The following OOSP1 variants were observed in gnomAD, a reference collection of about 807,000 sequenced individuals.
OOSP1 encodes oocyte secreted protein 1.
OOSP1 carries 11 observed loss-of-function variants against 5.7 expected under a neutral mutation model. The ratio of observed to expected loss-of-function variants is 1.94; its 90% CI spans 1.22 to 3.20. The LOEUF (loss-of-function observed/expected upper bound fraction) is 3.20, where lower values mean the gene tolerates loss of function less well. Among genes scored for constraint, OOSP1 ranks in the 30% most tolerant of loss-of-function variants. OOSP1 has a pLI of 0.00. For synonymous variants in OOSP1, 44 were observed against 20.0 expected, an observed-to-expected ratio of 2.20 and a Z score of -3.20; for missense variants, 83 against 54.1, an observed-to-expected ratio of 1.53 and a Z score of -1.67.
At chr11:59,942,402 T>C (rs1380886843) in intron 1 of OOSP1, among the ~76,000 whole-genome samples, 5 of 152,182 alleles carry the variant, frequency 3.3e-5, no homozygotes, top group African/African-American at 1.2e-4. Context: ...AGTCTTTATA[T>C]ATCATGAAAC....
intron 3 of OOSP1, 158 bp downstream of exon 3, chr11:59,945,424 T>C: frequency 1.5e-6 from 1 of 687,406 alleles, no homozygotes. Context: ...CCTTGGTGTC[T>C]TAGTCCTCTG....
intron 1 of OOSP1, among the ~76,000 whole-genome samples, chr11:59,941,349 C>G (rs1772851159): frequency 6.6e-6 from 1 of 151,810 alleles, no homozygotes; most frequent in Non-Finnish European, 1.5e-5. Flanking sequence ...CAGTTTTTGA[C>G]TATTATAAAT....
rs1233628789 is a variant in OOSP1 at position 59,947,877 on chromosome 11, A to C, written c.486+15A>C. 1.0e-5 allele frequency: 4 copies of C among 398,632 alleles called. No homozygotes were observed. Among genetic ancestry groups the C allele is most frequent in the African/African-American group, 2.1e-5 (1 of 48,610 alleles). The allele number at this position is 398,632 out of a possible 1,614,324, so 24.7% of individuals were successfully genotyped here. A position where few individuals can be genotyped will look rare whatever the true frequency, so the allele number is the denominator to read the frequency against. On this transcript the variant is annotated intron_variant, in intron 4 of 4. Transcript: ENST00000646685. ...ACACAATCTTGGTAAGAACCCTTCAAAACTGGCATCTTATGATTTTTGTCC... is the reference window on the plus strand; with the variant it reads ...ACACAATCTTGGTAAGAACCCTTCACAACTGGCATCTTATGATTTTTGTCC...
intron 1 of OOSP1, among the ~76,000 whole-genome samples, chr11:59,941,279 G>A (rs931229569): frequency 6.6e-6 from 1 of 152,044 alleles, no homozygotes; most frequent in Admixed American, 6.5e-5. Flanking sequence ...GAATTCCATG[G>A]CATGATTGTA....
At chr11:59,946,973 ATCTACTC>A (rs1565232433) in intron 3 of OOSP1, among the ~76,000 whole-genome samples, 297 of 148,056 alleles carry the variant, frequency 2.0e-3, no homozygotes, top group African/African-American at 6.8e-3. Context: ...CTATCTGTCT[ATCTACTC>A]TGTACCCACA....
In OOSP1 at chr11:59,942,987, G is replaced by T; in HGVS notation, c.217G>T (p.Glu73Ter). Residue 73 changes from glutamate to a stop codon, truncating the protein, a stop_gained, in exon 2 of 5, where the codon GAG becomes TAG. Coordinates refer to ENST00000646685, the Ensembl canonical transcript of OOSP1. LOFTEE classifies it high-confidence loss of function. Reference sequence around the variant, plus strand: ...CCATGTTTTGCCAAATGTCTACTATGAGTTTTTCTACCATCCTCATGACTG... The same window carrying T: ...CCATGTTTTGCCAAATGTCTACTATTAGTTTTTCTACCATCCTCATGACTG... 2 of 702,972 alleles carry T rather than the reference G, an allele frequency of 2.8e-6. No homozygotes were observed. 43.5% of individuals were successfully genotyped at this position (702,972 alleles called of 1,614,324 possible).
intron 3 of OOSP1, among the ~76,000 whole-genome samples, chr11:59,946,134 A>T (rs1246309449): frequency 6.6e-6 from 1 of 152,148 alleles, no homozygotes; most frequent in Non-Finnish European, 1.5e-5. Context: ...GCAAGCCAGC[A>T]TTACCACCTG....
chr11:59,954,634 T>TATCTATCTATCTATC (rs1429102466), intron 4 of OOSP1, among the ~76,000 whole-genome samples: 1 of 129,356 alleles, frequency 7.7e-6, no homozygotes, highest in Non-Finnish European at 1.6e-5. Context: ...GGACTTTATC[T>TATCTATCTATCTATC]ATCTATCTAT....
At chr11:59,947,594 T>C (rs1208234122) in intron 3 of OOSP1, 139 bp from the exon 4 acceptor site, 1 of 391,220 alleles carries the variant, frequency 2.6e-6, no homozygotes, top group African/African-American at 2.1e-5. Flanking sequence ...GTGGGGTGTG[T>C]TGGGGAGTGG....
At chr11:59,944,020 A>T (rs1853857341) in intron 2 of OOSP1, among the ~76,000 whole-genome samples, 1 of 152,162 alleles carries the variant, frequency 6.6e-6, no homozygotes, top group Non-Finnish European at 1.5e-5. Context: ...ATTTATTAAG[A>T]AGTGTTTTTG....
At chr11:59,951,723 T>C (rs1188027865) in intron 4 of OOSP1, among the ~76,000 whole-genome samples, 1 of 151,490 alleles carries the variant, frequency 6.6e-6, no homozygotes, top group East Asian at 1.9e-4. Flanking sequence ...TTTTTTTTTT[T>C]TTTTGAGATG....
intron 4 of OOSP1, among the ~76,000 whole-genome samples, chr11:59,951,768 G>A (rs1186825877): frequency 7.8e-6 from 1 of 127,808 alleles, no homozygotes; most frequent in African/African-American, 2.9e-5. Context: ...GAGTGCAGTG[G>A]CACAGTTTTT....
intron 2 of OOSP1, among the ~76,000 whole-genome samples, chr11:59,943,676 C>T (rs527293260): frequency 2.0e-4 from 31 of 152,246 alleles, no homozygotes; most frequent in African/African-American, 6.3e-4. Context: ...TGGTCAATTG[C>T]GACCAGAATG....
At chr11:59,948,919 A>G (rs540000828) in intron 4 of OOSP1, 1 of 395,574 alleles carries the variant, frequency 2.5e-6, no homozygotes, top group South Asian at 1.3e-4. Context: ...CTAAATTGTG[A>G]TTTTAAATAA....
intron 1 of OOSP1, among the ~76,000 whole-genome samples, chr11:59,940,388 C>T (rs933400594): frequency 6.6e-6 from 1 of 152,144 alleles, no homozygotes; most frequent in Non-Finnish European, 1.5e-5. Flanking sequence ...TCCCTCTTTG[C>T]CCATATGTGA....
chr11:59,948,908 C>A (rs1353942278), intron 4 of OOSP1: 1 of 395,982 alleles, frequency 2.5e-6, no homozygotes, highest in Non-Finnish European at 4.5e-6. Flanking sequence ...ATCTGAAAAA[C>A]CTAAATTGTG....
intron 4 of OOSP1, among the ~76,000 whole-genome samples, chr11:59,954,755 C>A (rs117287906): frequency 6.6e-6 from 1 of 151,812 alleles, no homozygotes; most frequent in East Asian, 1.9e-4. Context: ...CTAAGCTTCT[C>A]GAGGGTTGGA....
intron 4 of OOSP1, chr11:59,948,709 C>G (rs779429466): frequency 2.5e-6 from 1 of 397,988 alleles, no homozygotes; most frequent in East Asian, 3.6e-5. Flanking sequence ...TGGTAAGAAT[C>G]TGACTGCTAC....
intron 1 of OOSP1, among the ~76,000 whole-genome samples, chr11:59,941,688 C>T (rs1853828009): frequency 6.6e-6 from 1 of 152,070 alleles, no homozygotes; most frequent in African/African-American, 2.4e-5. Context: ...CATTTATGTA[C>T]ATTTTATGTG....
Sources: allele counts gnomAD v4.1 joint callset (sites outside exome capture counted in the v4.1 genomes callset), GRCh38; gene constraint gnomAD v4.1.1; transcripts MANE v1.5; gene names NCBI Gene and HGNC (gene_info 2026-07-23, HGNC 2026-07-21).